The following LCLAT1 variants were observed in gnomAD, a reference collection of about 807,000 sequenced individuals.
LCLAT1 encodes the protein lysocardiolipin acyltransferase 1.
A neutral mutation model predicts 30.7 loss-of-function variants in LCLAT1; 11 were observed. That is an observed-to-expected ratio of 0.36 (90% CI 0.23 to 0.59). LCLAT1 has a LOEUF of 0.59. LCLAT1 is among the 20% of genes least tolerant of loss of function. LCLAT1 has a pLI of 0.77. For synonymous variants in LCLAT1, 155 were observed against 151.3 expected, an observed-to-expected ratio of 1.02 and a Z score of -0.18; for missense variants, 402 against 458.6, an observed-to-expected ratio of 0.88 and a Z score of 1.13.
intron 5 of LCLAT1, among the ~76,000 whole-genome samples, chr2:30,584,052 G>A (rs1015584275): frequency 1.3e-5 from 2 of 151,950 alleles, no homozygotes; most frequent in African/African-American, 4.8e-5. Context: ...AGGCCCTGGT[G>A]TGTGTTGTTC....
In LCLAT1 at chr2:30,640,593, C is replaced by A. The variant is rs1022803130; in HGVS notation, c.1105C>A (p.His369Asn). 7 of 1,604,756 alleles carry A rather than the reference C, an allele frequency of 4.4e-6. No individual in the cohort carries two copies. Among genetic ancestry groups the A allele is most frequent in the Non-Finnish European group, 5.9e-6 (7 of 1,176,632 alleles). The stretch of plus-strand genomic sequence containing the variant: ...TTACCGACTTTTACACAAACAGCCA[C>A]ATTTAAATTCAAAGAAAAATGAGTA... ...ACYRLLHKQP[H>N]LNSKKNE The change falls in exon 6 of 6, where the codon CAT (histidine) becomes AAT (asparagine). Residue 369 changes from histidine to asparagine, a missense_variant. Coordinates refer to ENST00000379509, the MANE Select transcript of LCLAT1 (RefSeq NM_001002257.3).
At chr2:30,598,181 C>G (rs1388179832) in intron 5 of LCLAT1, among the ~76,000 whole-genome samples, 1 of 152,042 alleles carries the variant, frequency 6.6e-6, no homozygotes, top group Non-Finnish European at 1.5e-5. Context: ...GGGGTCCCTC[C>G]TTTTCGTTTG....
intron 1 of LCLAT1, among the ~76,000 whole-genome samples, chr2:30,512,386 G>A (rs1021980071): frequency 4.6e-5 from 7 of 152,038 alleles, no homozygotes; most frequent in Non-Finnish European, 7.4e-5. Flanking sequence ...CTCTGGACAC[G>A]CTCTCCATTC....
chr2:30,495,752 C>T (rs1684077797), intron 1 of LCLAT1, among the ~76,000 whole-genome samples: 1 of 151,932 alleles, frequency 6.6e-6, no homozygotes, highest in Non-Finnish European at 1.5e-5. Flanking sequence ...GAGTGTGAGT[C>T]CTGGAGTATA....
chr2:30,465,496 A>C (rs969046931), intron 1 of LCLAT1, among the ~76,000 whole-genome samples: 18 of 152,210 alleles, frequency 1.2e-4, no homozygotes, highest in African/African-American at 4.3e-4. Context: ...CAGCGATAGG[A>C]AACTACTGTA....
intron 5 of LCLAT1, among the ~76,000 whole-genome samples, chr2:30,629,628 T>C (rs1242033316): frequency 6.6e-6 from 1 of 152,086 alleles, no homozygotes; most frequent in East Asian, 1.9e-4. Context: ...TTAGTAAGAG[T>C]GTGAAAAGGA....
chr2:30,543,147 C>T (rs1047899024), intron 3 of LCLAT1, among the ~76,000 whole-genome samples: 2 of 151,832 alleles, frequency 1.3e-5, no homozygotes, highest in African/African-American at 4.8e-5. Context: ...CCCTTCTATT[C>T]CTGATTTGCT....
At chr2:30,506,720 G>T (rs1684678652) in intron 1 of LCLAT1, among the ~76,000 whole-genome samples, 1 of 152,070 alleles carries the variant, frequency 6.6e-6, no homozygotes, top group Admixed American at 6.6e-5. Flanking sequence ...ACTAAGTTCT[G>T]AAAGAAAATT....
chr2:30,620,977 T>A (rs1001491143), intron 5 of LCLAT1, among the ~76,000 whole-genome samples: 1 of 152,106 alleles, frequency 6.6e-6, no homozygotes, highest in Non-Finnish European at 1.5e-5. Context: ...ATGTAAAGGC[T>A]TTTTTTGGAT....
intron 1 of LCLAT1, chr2:30,459,762 C>G: frequency 7.2e-7 from 1 of 1,387,232 alleles, no homozygotes; most frequent in Non-Finnish European, 1.0e-6. Flanking sequence ...AGGTTTTTGT[C>G]TTGCTTCATA....
intron 5 of LCLAT1, among the ~76,000 whole-genome samples, chr2:30,629,961 T>C (rs1044615134): frequency 6.6e-6 from 1 of 152,100 alleles, no homozygotes; most frequent in African/African-American, 2.4e-5. Context: ...AGGTACATGT[T>C]ATGTACGTAT....
intron 5 of LCLAT1, among the ~76,000 whole-genome samples, chr2:30,574,289 G>T (rs1456578313): frequency 6.6e-6 from 1 of 152,136 alleles, no homozygotes; most frequent in Non-Finnish European, 1.5e-5. Context: ...TATAATGTGA[G>T]TCCAAACATT....
At chr2:30,614,502 T>C (rs1052216708) in intron 5 of LCLAT1, among the ~76,000 whole-genome samples, 2 of 152,130 alleles carry the variant, frequency 1.3e-5, no homozygotes, top group Non-Finnish European at 2.9e-5. Context: ...AGGGAACTAG[T>C]GTGACTGCAA....
chr2:30,460,210 C>T (rs547229931), intron 1 of LCLAT1, among the ~76,000 whole-genome samples: 2 of 152,288 alleles, frequency 1.3e-5, no homozygotes, highest in South Asian at 4.1e-4. Context: ...ACAACTGATT[C>T]TGGCCATGTC....
intron 1 of LCLAT1, among the ~76,000 whole-genome samples, chr2:30,470,684 T>G (rs1682735622): frequency 6.6e-6 from 1 of 152,200 alleles, no homozygotes; most frequent in African/African-American, 2.4e-5. Context: ...TAGTAAGTTT[T>G]GAAATTAGGA....
chr2:30,576,648 A>G (rs1275461692), intron 5 of LCLAT1, among the ~76,000 whole-genome samples: 5 of 152,184 alleles, frequency 3.3e-5, no homozygotes, highest in East Asian at 1.9e-4. Flanking sequence ...TTTTGGTTTT[A>G]TATAGTATGC....
At chr2:30,530,057 G>A (rs114211377) in intron 2 of LCLAT1, among the ~76,000 whole-genome samples, 17 of 152,230 alleles carry the variant, frequency 1.1e-4, no homozygotes, top group African/African-American at 4.1e-4. Context: ...GTAAGTAGTG[G>A]TATATAAAAG....
chr2:30,524,901 G>A (rs1359637935), intron 1 of LCLAT1, among the ~76,000 whole-genome samples: 1 of 151,994 alleles, frequency 6.6e-6, no homozygotes, highest in Non-Finnish European at 1.5e-5. Flanking sequence ...TCCAAAGTGG[G>A]GACCGTTGTA....
At chr2:30,471,102 C>T (rs775605866) in intron 1 of LCLAT1, among the ~76,000 whole-genome samples, 3 of 151,524 alleles carry the variant, frequency 2.0e-5, no homozygotes, top group Admixed American at 6.6e-5. Flanking sequence ...TTAGTAGGGA[C>T]GGAGTTTCAC....
Sources: allele counts gnomAD v4.1 joint callset (sites outside exome capture counted in the v4.1 genomes callset), GRCh38; gene constraint gnomAD v4.1.1; transcripts MANE v1.5; gene names NCBI Gene and HGNC (gene_info 2026-07-23, HGNC 2026-07-21).